The following DPYD variants were observed in gnomAD, a reference collection of about 807,000 sequenced individuals.
DPYD encodes the protein dihydropyrimidine dehydrogenase [NADP(+)].
DPYD carries 109 observed loss-of-function variants against 116.2 expected under a neutral mutation model. The observed-to-expected ratio is 0.94, with a 90% CI of 0.80 to 1.10. DPYD has a LOEUF of 1.10. Among genes scored for constraint, DPYD ranks in the 50% least tolerant of loss-of-function variants. The pLI is 0.00. For synonymous variants in DPYD, 440 were observed against 432.0 expected, an observed-to-expected ratio of 1.02 and a Z score of -0.23; for missense variants, 1,302 against 1,254.5, an observed-to-expected ratio of 1.04 and a Z score of -0.57.
chr1:97,756,471 C>A (rs1028080551), intron 3 of DPYD, among the ~76,000 whole-genome samples: 2 of 152,024 alleles, frequency 1.3e-5, no homozygotes, highest in African/African-American at 4.8e-5. Context: ...ACATGAATGC[C>A]TTCCATATGA....
chr1:97,128,820 G>A (rs1031487061), intron 20 of DPYD, among the ~76,000 whole-genome samples: 1 of 152,112 alleles, frequency 6.6e-6, no homozygotes, highest in Non-Finnish European at 1.5e-5. Flanking sequence ...AAAGATTAAA[G>A]TAAATATTTC....
chr1:97,124,348 A>G (rs1652672059), intron 20 of DPYD, among the ~76,000 whole-genome samples: 2 of 152,100 alleles, frequency 1.3e-5, no homozygotes, highest in Non-Finnish European at 2.9e-5. Flanking sequence ...TTGTTGTGAG[A>G]TAAGGCAGAA....
chr1:97,288,326 C>A (rs1298303801), intron 18 of DPYD, among the ~76,000 whole-genome samples: 1 of 150,662 alleles, frequency 6.6e-6, no homozygotes, highest in Non-Finnish European at 1.5e-5. Context: ...CAGCTCTGCA[C>A]CAAGGGGACC....
chr1:97,467,482 A>G (rs1469241020), intron 13 of DPYD, among the ~76,000 whole-genome samples: 4 of 152,190 alleles, frequency 2.6e-5, no homozygotes, highest in African/African-American at 9.7e-5. Context: ...TTTTGCCTGT[A>G]ACTTCTGCTT....
At chr1:97,870,488 T>G (rs1040703509) in intron 2 of DPYD, among the ~76,000 whole-genome samples, 4 of 151,778 alleles carry the variant, frequency 2.6e-5, no homozygotes, top group Non-Finnish European at 4.4e-5. Context: ...ATATTCATTT[T>G]AAGTGCATGA....
chr1:97,692,854 T>C (rs1661087055), intron 6 of DPYD, among the ~76,000 whole-genome samples: 1 of 152,148 alleles, frequency 6.6e-6, no homozygotes, highest in South Asian at 2.1e-4. Flanking sequence ...ATTTGGAAAA[T>C]AAATAATTGT....
intron 12 of DPYD, among the ~76,000 whole-genome samples, chr1:97,517,748 A>C (rs1225399659): frequency 6.6e-6 from 1 of 152,122 alleles, no homozygotes; most frequent in Non-Finnish European, 1.5e-5. Flanking sequence ...AATATCAGTA[A>C]AAGTATAGAA....
At chr1:97,843,342 T>C (rs984831619) in intron 2 of DPYD, among the ~76,000 whole-genome samples, 22 of 152,274 alleles carry the variant, frequency 1.4e-4, no homozygotes, top group African/African-American at 4.3e-4. Context: ...TTCAACTCAC[T>C]AGAACATTCA....
At chr1:97,327,267 C>T (rs1668757247) in intron 16 of DPYD, among the ~76,000 whole-genome samples, 1 of 152,014 alleles carries the variant, frequency 6.6e-6, no homozygotes, top group Non-Finnish European at 1.5e-5. Flanking sequence ...ATACAGTAGA[C>T]TCTGCTTCTC....
At chr1:97,337,571 G>A (rs1481652942) in intron 16 of DPYD, among the ~76,000 whole-genome samples, 1 of 151,754 alleles carries the variant, frequency 6.6e-6, no homozygotes, top group East Asian at 1.9e-4. Context: ...ACCTTCAAAC[G>A]AGATCTTAGC....
At chr1:97,850,783 C>G (rs1305705920) in intron 2 of DPYD, among the ~76,000 whole-genome samples, 1 of 151,916 alleles carries the variant, frequency 6.6e-6, no homozygotes, top group Non-Finnish European at 1.5e-5. Flanking sequence ...AACCATCCAG[C>G]AAGGTGATTT....
chr1:97,484,522 G>GC (rs1678508151), intron 13 of DPYD, among the ~76,000 whole-genome samples: 1 of 152,024 alleles, frequency 6.6e-6, no homozygotes, highest in Non-Finnish European at 1.5e-5. Context: ...TGCCTTTGTG[G>GC]CCACCATGTT....
intron 13 of DPYD, among the ~76,000 whole-genome samples, chr1:97,507,318 C>G (rs994471602): frequency 6.6e-6 from 1 of 151,784 alleles, no homozygotes; most frequent in African/African-American, 2.4e-5. Context: ...TTTATTTAAA[C>G]AATTATAACT....
intron 20 of DPYD, among the ~76,000 whole-genome samples, chr1:97,117,269 T>C (rs1652049964): frequency 6.6e-6 from 1 of 152,224 alleles, no homozygotes. Flanking sequence ...ATTGACTGAA[T>C]GCCTTGTAAT....
chr1:97,651,008 C>T (rs1321644836), intron 8 of DPYD, among the ~76,000 whole-genome samples: 1 of 152,076 alleles, frequency 6.6e-6, no homozygotes, highest in Non-Finnish European at 1.5e-5. Context: ...ACAATAGCTG[C>T]AGTGAAAAGC....
chr1:97,720,334 G>A (rs1662852704), intron 5 of DPYD: 5 of 985,382 alleles, frequency 5.1e-6, no homozygotes, highest in South Asian at 9.4e-5. Context: ...TTAATGAAGA[G>A]GCAATGGGTC....
chr1:97,245,200 A>G (rs1662633036), intron 18 of DPYD, among the ~76,000 whole-genome samples: 1 of 152,102 alleles, frequency 6.6e-6, no homozygotes. Context: ...ATTCAGGCTC[A>G]AGGAATTAAA....
chr1:97,391,747 C>G (rs1364632637), intron 14 of DPYD, among the ~76,000 whole-genome samples: 2 of 151,984 alleles, frequency 1.3e-5, no homozygotes, highest in Non-Finnish European at 2.9e-5. Flanking sequence ...TCTAAAGAGA[C>G]AAACCTCCTC....
chr1:97,673,912 T>C (rs1660006477), intron 8 of DPYD, among the ~76,000 whole-genome samples: 1 of 152,112 alleles, frequency 6.6e-6, no homozygotes, highest in Admixed American at 6.5e-5. Context: ...TCAGATAAGG[T>C]AAAACTAAAA....
Sources: allele counts gnomAD v4.1 joint callset (sites outside exome capture counted in the v4.1 genomes callset), GRCh38; gene constraint gnomAD v4.1.1; transcripts MANE v1.5; gene names NCBI Gene and HGNC (gene_info 2026-07-23, HGNC 2026-07-21).